The following KIF26A variants were observed in gnomAD, a reference collection of about 807,000 sequenced individuals.
KIF26A encodes kinesin family member 26A.
In KIF26A, 74 loss-of-function variants were observed where a neutral mutation model predicts 126.0. The observed-to-expected ratio is 0.59, with a 90% CI of 0.49 to 0.71. The LOEUF is 0.71. Among genes scored for constraint, KIF26A ranks in the 30% least tolerant of loss-of-function variants. The pLI, the probability that KIF26A is intolerant of heterozygous loss-of-function variation, is 0.00. For synonymous variants in KIF26A, 1,445 were observed against 1,232.7 expected (o/e 1.17, Z -3.61); for missense variants, 2,984 against 2,763.3 (o/e 1.08, Z -1.79).
At position 104,176,997 on chromosome 14, in the gene KIF26A, A is replaced by G. The variant is rs531384616; in HGVS notation, c.4209A>G (p.Arg1403=). ...AAVLRGEEEP[R]PSSRADHSVP... ...TCCTTCGAGGGGAGGAGGAGCCCAG[A>G]CCCAGCAGCCGGGCTGACCACTCTG... Residue 1403 remains arginine, a synonymous_variant, in exon 12 of 15, where the codon AGA becomes AGG. Transcript: ENST00000423312. The G allele has an allele frequency of 1.0e-5, 16 of 1,545,202 alleles. 1 individual carries two copies. In the South Asian group the frequency reaches 1.8e-4, roughly 17 times the overall value.
At position 104,178,673 on chromosome 14, in the gene KIF26A, C is replaced by G. The variant is rs761297922; in HGVS notation, c.5234C>G (p.Pro1745Arg). ...CCCCTGGCTGGCTCCCTGAAGGAGC[C>G]GTTCGAGATCAAGGTGTACGAGATC... Reference protein sequence around the residue: ...PPPLAGSLKEPFEIKVYEIDD... With the variant: ...PPPLAGSLKERFEIKVYEIDD... Residue 1745 changes from proline (P) to arginine (R), a missense_variant, in exon 13 of 15, where the codon CCG (proline) becomes CGG (arginine). By Grantham distance (103) the Pro-to-Arg change is moderately radical. Transcript: ENST00000423312. 22 of 1,560,472 alleles carry G rather than the reference C, an allele frequency of 1.4e-5. No individual in the cohort carries two copies. The South Asian group carries it at 2.4e-4, about 17-fold the overall frequency.
chr14:104,172,817 G>T (rs2037973157), intron 7 of KIF26A, 149 bp downstream of exon 7: 2 of 1,148,392 alleles, frequency 1.7e-6, no homozygotes, highest in East Asian at 2.6e-5. Flanking sequence ...CTTGTGGAGA[G>T]GAAGCTGAAC....
chr14:104,176,847 C>T lies in KIF26A; in HGVS notation c.4059C>T (p.Leu1353=), dbSNP rs777442760. 1.3e-6 allele frequency: 2 copies of T among 1,545,692 alleles called. No individual in the cohort carries two copies. Among genetic ancestry groups the T allele is most frequent in the Admixed American group, 3.9e-5 (2 of 50,886 alleles). Residue 1353 remains leucine (L), a synonymous_variant, in exon 12 of 15, where the codon CTC becomes CTT. Transcript: ENST00000423312. ...KKGLAPKAGF[L]PRPSGAAPPA... ...GTCTGGCTCCCAAGGCGGGCTTCCT[C>T]CCGAGGCCCAGTGGGGCGGCCCCCC...
At position 104,177,565 on chromosome 14, in the gene KIF26A, G is replaced by C; in HGVS notation, c.4777G>C (p.Asp1593His). 9 of 1,537,184 alleles carry C rather than the reference G, an allele frequency of 5.9e-6. No individual in the cohort carries two copies. The highest frequency in any genetic ancestry group is 7.8e-6 in the Non-Finnish European group (9 of 1,146,920). Reference sequence around the variant, plus strand: ...CTCGGCGGACTCAGACAGCGGCCATGACAGCGGCGTGAACGTGGGGGAGGA... The same window carrying C: ...CTCGGCGGACTCAGACAGCGGCCATCACAGCGGCGTGAACGTGGGGGAGGA... ...WGSADSDSGH[D>H]SGVNVGEERP... Residue 1593 changes from aspartate (D) to histidine (H), a missense_variant, in exon 12 of 15, where the codon GAC becomes CAC. By Grantham distance (81) the Asp-to-His change is moderately conservative (BLOSUM62 -1). Coordinates refer to ENST00000423312, the MANE Select transcript of KIF26A (RefSeq NM_015656.2).
chr14:104,138,825 C>G (rs906342318), intron 1 of KIF26A, 61 bp downstream of exon 1: 10 of 1,253,262 alleles, frequency 8.0e-6, no homozygotes, highest in Admixed American at 4.2e-5. Context: ...GGCGAAGATA[C>G]TCGCGGTGTG....
intron 5 of KIF26A, among the ~76,000 whole-genome samples, chr14:104,170,510 A>G (rs968718907): frequency 6.6e-6 from 1 of 152,236 alleles, no homozygotes. Flanking sequence ...TCTGTCACTT[A>G]CAATTAAATC....
At chr14:104,164,449 G>C (rs1456524387) in intron 4 of KIF26A, among the ~76,000 whole-genome samples, 1 of 152,148 alleles carries the variant, frequency 6.6e-6, no homozygotes, top group Non-Finnish European at 1.5e-5. Context: ...CCCTGTGCTG[G>C]TGGGTCCATG....
chr14:104,175,028 G>A lies in KIF26A; in HGVS notation c.2240G>A (p.Arg747Gln), dbSNP rs1174630550. 33 of 1,561,398 alleles carry A rather than the reference G, an allele frequency of 2.1e-5. No individual in the cohort carries two copies. Among genetic ancestry groups the A allele is most frequent in the Non-Finnish European group, 2.6e-5 (30 of 1,157,048 alleles). ...SGGESSCEEG[R>Q]ARRPPHLRPF... ...GGGGAGAGCTCCTGTGAGGAAGGCC[G>A]GGCCCGTCGGCCCCCGCACCTGCGG... The change falls in exon 12 of 15, where the codon CGG (arginine) becomes CAG (glutamine). Residue 747 changes from arginine to glutamine, a missense_variant. Coordinates refer to ENST00000423312, the MANE Select transcript of KIF26A (RefSeq NM_015656.2).
Position 104,157,781 on chromosome 14 carries a change from G to C in KIF26A, c.762G>C (p.Ala254=). Residue 254 remains alanine, a synonymous_variant, in exon 4 of 15, where the codon GCG becomes GCC. Coordinates refer to ENST00000423312, the MANE Select transcript of KIF26A (RefSeq NM_015656.2). ...CLAEAAVAAV[A]VADTVRECPP... ...CCGAGGCAGCGGTGGCGGCCGTGGCGGTGGCAGACACGGTCCGAGAATGCC... is the reference window on the plus strand; with the variant it reads ...CCGAGGCAGCGGTGGCGGCCGTGGCCGTGGCAGACACGGTCCGAGAATGCC... The C allele has an allele frequency of 6.2e-7, 1 of 1,610,624 alleles. No individual in the cohort carries two copies.
In KIF26A at chr14:104,177,917, A is replaced by T. The variant is rs768575467; in HGVS notation, c.5110+19A>T. On this transcript the variant is annotated intron_variant, in intron 12 of 14. Coordinates refer to ENST00000423312, the MANE Select transcript of KIF26A (RefSeq NM_015656.2). ...GCCACAGGTGGGTGCAGAGGTGCAC[A>T]GCCCTCTACAGTTTACGGGCTTTCT... The T allele has an allele frequency of 6.7e-7, 1 of 1,484,854 alleles. No individual in the cohort carries two copies. The highest frequency in any genetic ancestry group is 2.3e-5 in the East Asian group (1 of 42,712). 92.0% of individuals were successfully genotyped at this position (1,484,854 alleles called of 1,614,324 possible).
Position 104,173,850 on chromosome 14 carries a change from C to A in KIF26A, c.2012C>A (p.Ala671Asp), listed in dbSNP as rs769299235. 5 of 1,595,642 alleles carry A rather than the reference C, an allele frequency of 3.1e-6. No homozygotes were observed. The South Asian group carries it at 4.4e-5, about 14-fold the overall frequency. Residue 671 changes from alanine to aspartate, a missense_variant, in exon 10 of 15, where the codon GCC becomes GAC. Transcript: ENST00000423312. ...GTCATCTTGGCCCTGGTCAACGGAG[C>A]CAAGCATGTGCCGTATCGGTGAGTG... ...GSVILALVNG[A>D]KHVPYRDHRL...
At chr14:104,157,641 C>T (rs2037792363) in intron 3 of KIF26A, 114 bp from the exon 4 acceptor site, 12 of 1,164,088 alleles carry the variant, frequency 1.0e-5, no homozygotes, top group Non-Finnish European at 1.4e-5. Context: ...GCAGAGCCCC[C>T]AGGAATGTGC....
chr14:104,157,194 G>A (rs1282072856), intron 3 of KIF26A, among the ~76,000 whole-genome samples: 3 of 152,188 alleles, frequency 2.0e-5, no homozygotes, highest in Non-Finnish European at 2.9e-5. Context: ...TTATGAGGAG[G>A]CCTCCCTTTC....
chr14:104,170,521 C>T (rs947905200), intron 5 of KIF26A, among the ~76,000 whole-genome samples: 15 of 152,218 alleles, frequency 9.9e-5, no homozygotes, highest in African/African-American at 3.1e-4. Context: ...CAATTAAATC[C>T]GTGAAAAATA....
Position 104,177,727 on chromosome 14 carries a change from C to G in KIF26A, c.4939C>G (p.Arg1647Gly). Reference sequence around the variant, plus strand: ...TGGAGAGCTGCCGCCCGCCATGGGCCGCACCGCCCTTTTCCACCACAGCGG... The same window carrying G: ...TGGAGAGCTGCCGCCCGCCATGGGCGGCACCGCCCTTTTCCACCACAGCGG... ...LSGELPPAMG[R>G]TALFHHSGGS... Residue 1647 changes from arginine (R) to glycine (G), a missense_variant, in exon 12 of 15, where the codon CGC becomes GGC. Arg to Gly is a moderately radical substitution (Grantham distance 125). Transcript: ENST00000423312. 2 of 1,538,700 alleles carry G rather than the reference C, an allele frequency of 1.3e-6. No individual in the cohort carries two copies. Among genetic ancestry groups the G allele is most frequent in the South Asian group, 1.2e-5 (1 of 84,096 alleles).
In KIF26A at chr14:104,180,478, A is replaced by G. The variant is rs1418243850; in HGVS notation, c.*688A>G. ...ACCAAAACCACAAGCAAAAAACAAA[A>G]CAGACCACCACGACCAACAACAAAG... is the stretch of plus-strand genomic sequence containing the variant. On this transcript the variant is annotated 3_prime_UTR_variant, in exon 15 of 15. Coordinates refer to ENST00000423312, the MANE Select transcript of KIF26A (RefSeq NM_015656.2). 1 of 152,188 alleles carries G rather than the reference A, an allele frequency of 6.6e-6. No homozygotes were observed. The highest frequency in any genetic ancestry group is 2.1e-4 in the South Asian group (1 of 4,824). 9.4% of individuals were successfully genotyped at this position (152,188 alleles called of 1,614,324 possible). A position where few individuals can be genotyped will look rare whatever the true frequency, so the allele number is the denominator to read the frequency against.
At chr14:104,156,168 C>T (rs946522413) in intron 3 of KIF26A, among the ~76,000 whole-genome samples, 7 of 152,342 alleles carry the variant, frequency 4.6e-5, no homozygotes, top group Middle Eastern at 3.4e-3. Flanking sequence ...GGCTCAGGAC[C>T]TGCTGTTAAT....
At chr14:104,149,580 G>C (rs543437366) in intron 2 of KIF26A, among the ~76,000 whole-genome samples, 1 of 151,920 alleles carries the variant, frequency 6.6e-6, no homozygotes. Flanking sequence ...GGCAGCTGCT[G>C]TCTGAATTCC....
chr14:104,154,788 C>T (rs2037761236), intron 3 of KIF26A, among the ~76,000 whole-genome samples: 1 of 152,202 alleles, frequency 6.6e-6, no homozygotes, highest in African/African-American at 2.4e-5. Flanking sequence ...GCACCGTGGC[C>T]CTCCACAGAG....
Sources: gnomAD v4.1 joint callset for allele counts (sites outside exome capture counted in the v4.1 genomes callset) on GRCh38, gnomAD v4.1.1 for gene constraint, MANE v1.5 for transcripts, NCBI Gene and HGNC (gene_info 2026-07-23, HGNC 2026-07-21) for gene names.